Variants in TNKS observed in about 807,000 individuals in gnomAD.
The protein encoded by TNKS is poly [ADP-ribose] polymerase tankyrase-1.
TNKS carries 72 observed loss-of-function variants against 135.8 expected under a neutral mutation model. That is an observed-to-expected ratio of 0.53 (90% CI 0.44 to 0.64). The LOEUF (loss-of-function observed/expected upper bound fraction) is 0.64. TNKS is among the 30% of genes least tolerant of loss of function. The pLI, the probability that TNKS is intolerant of heterozygous loss-of-function variation, is 0.00. For missense variants in TNKS, 1,769 were observed against 1,674.0 expected (o/e 1.06, Z -0.99); for synonymous variants, 849 against 649.3 (o/e 1.31, Z -4.68).
chr8:9,664,419 C>T (rs1801890510), intron 3 of TNKS, among the ~76,000 whole-genome samples: 1 of 152,184 alleles, frequency 6.6e-6, no homozygotes, highest in South Asian at 2.1e-4. Flanking sequence ...ATGAGGGATC[C>T]ACCTCCATGA....
rs548082654 is a variant in TNKS at position 9,608,433 on chromosome 8, A to ATTT, written c.899-7140_899-7138dup. On this transcript the variant is annotated intron_variant, in intron 2 of 26. Coordinates refer to ENST00000310430, the MANE Select transcript of TNKS (RefSeq NM_003747.3). ...GTGCGTCAGGTGTGTTAACAAGGCG[A>ATTT]TTTTTTTTTTTAGGTTCTCTTTACT... Among the ~76,000 whole-genome samples the ATTT allele has an allele frequency of 3.0e-3, 444 of 147,766 alleles. 3 individuals carry two copies. Among genetic ancestry groups the ATTT allele is most frequent in the African/African-American group, 0.01 (409 of 40,428 alleles).
At chr8:9,670,142 A>G (rs182782617) in intron 3 of TNKS, 1 of 152,298 alleles carries the variant, frequency 6.6e-6, no homozygotes, top group East Asian at 1.9e-4. Context: ...TTCAGTTGAA[A>G]AGGAGATGTA....
intron 5 of TNKS, among the ~76,000 whole-genome samples, chr8:9,690,407 C>T (rs1372944090): frequency 6.6e-6 from 1 of 152,164 alleles, no homozygotes; most frequent in African/African-American, 2.4e-5. Context: ...CTTCCCTTCT[C>T]TTTCTCTTCT....
At chr8:9,649,225 T>C (rs958936241) in intron 3 of TNKS, among the ~76,000 whole-genome samples, 1 of 152,194 alleles carries the variant, frequency 6.6e-6, no homozygotes, top group Admixed American at 6.5e-5. Context: ...TGAACTACCA[T>C]AGGAAGAAGA....
chr8:9,561,640 T>C (rs1170799670), intron 1 of TNKS, among the ~76,000 whole-genome samples: 1 of 152,214 alleles, frequency 6.6e-6, no homozygotes, highest in Non-Finnish European at 1.5e-5. Flanking sequence ...TTGGCTATTA[T>C]GAATAAAGTC....
At chr8:9,571,466 T>C (rs1446220560) in intron 1 of TNKS, among the ~76,000 whole-genome samples, 1 of 152,174 alleles carries the variant, frequency 6.6e-6, no homozygotes, top group African/African-American at 2.4e-5. Context: ...CCACGTTTTT[T>C]TCTTTTTTTG....
chr8:9,756,002 C>G (rs7006003), intron 20 of TNKS, among the ~76,000 whole-genome samples: 42,459 of 151,946 alleles, frequency 0.28, 6,340 homozygotes, highest in East Asian at 0.39. Flanking sequence ...TGACTTTGGC[C>G]CTTCCTTTAT....
chr8:9,613,679 T>A (rs1799541166), intron 2 of TNKS, among the ~76,000 whole-genome samples: 1 of 152,244 alleles, frequency 6.6e-6, no homozygotes, highest in Non-Finnish European at 1.5e-5. Flanking sequence ...AACATCTATT[T>A]CAAGTAAATG....
intron 13 of TNKS, among the ~76,000 whole-genome samples, chr8:9,730,571 A>G (rs1805385812): frequency 2.6e-5 from 4 of 152,174 alleles, no homozygotes; most frequent in Admixed American, 2.6e-4. Flanking sequence ...CAGGGAGGAA[A>G]GACTTACAAA....
At chr8:9,763,689 T>A (rs915179440) in intron 22 of TNKS, among the ~76,000 whole-genome samples, 2 of 152,188 alleles carry the variant, frequency 1.3e-5, no homozygotes, top group African/African-American at 4.8e-5. Flanking sequence ...GCCTCATTAT[T>A]CTGCATAACA....
At chr8:9,653,779 T>C (rs1169563871) in intron 3 of TNKS, among the ~76,000 whole-genome samples, 1 of 152,194 alleles carries the variant, frequency 6.6e-6, no homozygotes, top group Non-Finnish European at 1.5e-5. Flanking sequence ...ACCCACCTTC[T>C]TTCTGCTTCA....
At chr8:9,754,551 T>C (rs1806735815) in intron 20 of TNKS, among the ~76,000 whole-genome samples, 1 of 152,152 alleles carries the variant, frequency 6.6e-6, no homozygotes, top group Non-Finnish European at 1.5e-5. Context: ...AGTTCATCTT[T>C]AATGCTCTTA....
chr8:9,638,099 C>G (rs999295102), intron 3 of TNKS, among the ~76,000 whole-genome samples: 9 of 152,130 alleles, frequency 5.9e-5, no homozygotes, highest in Non-Finnish European at 1.2e-4. Context: ...CTCCCAAACC[C>G]AAGTAGCTAA....
chr8:9,559,240 T>C (rs1752075819), intron 1 of TNKS, among the ~76,000 whole-genome samples: 1 of 152,186 alleles, frequency 6.6e-6, no homozygotes, highest in African/African-American at 2.4e-5. Context: ...TATTATACTG[T>C]CTGTCCCAAT....
At position 9,739,449 on chromosome 8, in the gene TNKS, T is replaced by C. The variant is rs1198388512; in HGVS notation, c.2643+3963T>C. Among the ~76,000 whole-genome samples the C allele has an allele frequency of 5.5e-5, 2 of 36,522 alleles. 1 individual carries two copies. Among genetic ancestry groups the C allele is most frequent in the Non-Finnish European group, 1.1e-4 (2 of 18,754 alleles). 24.0% of individuals were successfully genotyped at this position (36,522 alleles called of 152,430 possible). A position where few individuals can be genotyped will look rare whatever the true frequency, so the allele number is the denominator to read the frequency against. ...CGGAGAAATAGGAACACTTTTACAC[T>C]GTTGGTGGGACTGTAAACTAGTTCA... is the stretch of plus-strand genomic sequence containing the variant. On this transcript the variant is annotated intron_variant, in intron 17 of 26. Transcript: ENST00000310430.
chr8:9,740,076 AAAAAG>A (rs1174699271), intron 17 of TNKS, among the ~76,000 whole-genome samples: 3 of 150,448 alleles, frequency 2.0e-5, no homozygotes, highest in South Asian at 2.1e-4. Context: ...AAAAAAAAAA[AAAAAG>A]AAAGTCCAGA....
chr8:9,764,610 T>G, intron 22 of TNKS, 106 bp from the exon 23 acceptor site: 3 of 724,806 alleles, frequency 4.1e-6, no homozygotes, highest in Non-Finnish European at 6.3e-6. Flanking sequence ...TGTTCATCAA[T>G]TTATAGTGAA....
At chr8:9,722,794 A>G (rs1459283960) in intron 12 of TNKS, among the ~76,000 whole-genome samples, 2 of 152,180 alleles carry the variant, frequency 1.3e-5, no homozygotes, top group Non-Finnish European at 2.9e-5. Context: ...AGGCAAACAC[A>G]TAGCTTTGCC....
At chr8:9,679,034 AT>A (rs1802661180) in intron 3 of TNKS, among the ~76,000 whole-genome samples, 1 of 152,120 alleles carries the variant, frequency 6.6e-6, no homozygotes, top group African/African-American at 2.4e-5. Flanking sequence ...TGCAAAAGAA[AT>A]TTGTTTGTTA....
Sources: allele counts gnomAD v4.1 joint callset (sites outside exome capture counted in the v4.1 genomes callset), GRCh38; gene constraint gnomAD v4.1.1; transcripts MANE v1.5; gene names NCBI Gene and HGNC (gene_info 2026-07-23, HGNC 2026-07-21).